CCDC57: variants seen among roughly 807,000 people sequenced by gnomAD.
The protein encoded by CCDC57 is coiled-coil domain-containing protein 57.
Under a neutral mutation model 118.9 loss-of-function variants are expected in CCDC57, and 118 were observed. That is an observed-to-expected ratio of 0.99 (90% CI 0.86 to 1.16). CCDC57 has a LOEUF of 1.16. CCDC57 is among the 50% of genes most tolerant of loss of function. The probability of loss-of-function intolerance (pLI) is 0.00; values close to 1 mark genes in which losing one functional copy is unlikely to be tolerated. For synonymous variants in CCDC57, 527 were observed against 532.9 expected (o/e 0.99, Z 0.15); for missense variants, 1,300 against 1,320.7 (o/e 0.98, Z 0.24).
At chr17:82,138,402 C>G (rs1280095829) in intron 16 of CCDC57, among the ~76,000 whole-genome samples, 1 of 151,988 alleles carries the variant, frequency 6.6e-6, no homozygotes, top group African/African-American at 2.4e-5. Flanking sequence ...CCTGCCTCAG[C>G]CTCCCAAAGT....
intron 19 of CCDC57, among the ~76,000 whole-genome samples, chr17:82,111,615 T>G (rs1450159699): frequency 2.6e-5 from 4 of 151,742 alleles, no homozygotes; most frequent in Admixed American, 2.0e-4. Context: ...TGTTTTTTGT[T>G]TTTGTTTTTT....
intron 3 of CCDC57, among the ~76,000 whole-genome samples, chr17:82,201,247 G>C (rs868188750): frequency 9.8e-5 from 15 of 152,310 alleles, no homozygotes; most frequent in Middle Eastern, 6.8e-3. Context: ...TATAATTAAT[G>C]AAATAAATTC....
At chr17:82,195,084 A>C (rs1432544567) in intron 5 of CCDC57, among the ~76,000 whole-genome samples, 179 bp downstream of exon 4, 1 of 152,208 alleles carries the variant, frequency 6.6e-6, no homozygotes, top group African/African-American at 2.4e-5. Flanking sequence ...GGGAGTGCCC[A>C]CCCTGCCATG....
exon 16 of CCDC57, chr17:82,151,579 T>C: frequency 6.5e-7 from 1 of 1,550,378 alleles, no homozygotes; most frequent in Non-Finnish European, 8.7e-7. Context: ...GGCCCAGCTC[T>C]GCACGGAGCC....
chr17:82,170,498 A>G (rs1231571280), intron 13 of CCDC57, among the ~76,000 whole-genome samples: 1 of 131,054 alleles, frequency 7.6e-6, no homozygotes, highest in Non-Finnish European at 1.6e-5. Context: ...ACAGAGCAAG[A>G]CTCTGTCCCA....
In CCDC57 at chr17:82,171,854, C is replaced by T. The variant is rs970282906; in HGVS notation, c.1730-1G>A. ...TCTGCTTCAAGGGCCAGAACATAATCTGCCAAAAAAACCTCCAGTGAATAT... is the reference window on the plus strand; with the variant it reads ...TCTGCTTCAAGGGCCAGAACATAATTTGCCAAAAAAACCTCCAGTGAATAT... On this transcript the variant is annotated splice_acceptor_variant, in intron 12 of 19. Coordinates refer to ENST00000665763, the Ensembl canonical transcript of CCDC57. LOFTEE classifies it high-confidence loss of function. 15 of 1,610,566 alleles carry T rather than the reference C, an allele frequency of 9.3e-6. No homozygotes were observed. The African/African-American group carries it at 1.6e-4, about 17-fold the overall frequency.
Position 82,127,557 on chromosome 17 carries a change from C to T in CCDC57, c.2899+135G>A, listed in dbSNP as rs114974539. 2,292 of 1,444,752 alleles carry T rather than the reference C, an allele frequency of 1.6e-3. 34 individuals carry two copies. The African/African-American group carries it at 0.03, about 19-fold the overall frequency. 89.5% of individuals were successfully genotyped at this position (1,444,752 alleles called of 1,614,324 possible). A position where few individuals can be genotyped will look rare whatever the true frequency, so the allele number is the denominator to read the frequency against. Reference sequence around the variant, plus strand: ...AAATGAGAGGTAAAGAGACTCCATGCATTACTCAACCAAAGTGCAGGGATT... The same window carrying T: ...AAATGAGAGGTAAAGAGACTCCATGTATTACTCAACCAAAGTGCAGGGATT... On this transcript the variant is annotated intron_variant, in intron 19 of 19. Coordinates refer to ENST00000665763, the Ensembl canonical transcript of CCDC57.
At chr17:82,201,423 C>G (rs567810225) in intron 3 of CCDC57, 115 bp downstream of exon 2, 109 of 1,297,702 alleles carry the variant, frequency 8.4e-5, no homozygotes, top group Non-Finnish European at 1.0e-4. Context: ...CTGGAATCAG[C>G]AGCGGGAGGA....
At chr17:82,142,889 G>A (rs991326272) in intron 16 of CCDC57, among the ~76,000 whole-genome samples, 1 of 152,122 alleles carries the variant, frequency 6.6e-6, no homozygotes, top group Non-Finnish European at 1.5e-5. Flanking sequence ...ACACTGGCCG[G>A]GTACGTGGCT....
chr17:82,203,487 C>T (rs528148875), intron 2 of CCDC57, among the ~76,000 whole-genome samples: 136 of 152,130 alleles, frequency 8.9e-4, no homozygotes, highest in Admixed American at 1.6e-3. Context: ...AAATAAAGTG[C>T]TACAAAAAAT....
intron 19 of CCDC57, among the ~76,000 whole-genome samples, chr17:82,123,122 C>CTTTTTTTT (rs34869339): frequency 5.7e-5 from 6 of 105,778 alleles, no homozygotes; most frequent in Admixed American, 1.1e-4. Flanking sequence ...CTCCTAATAA[C>CTTTTTTTT]TTTTTTTTTT....
chr17:82,199,232 C>A (rs1056445744), intron 3 of CCDC57, among the ~76,000 whole-genome samples: 1 of 151,902 alleles, frequency 6.6e-6, no homozygotes, highest in Admixed American at 6.6e-5. Flanking sequence ...AATTCCAGCG[C>A]TTTGGGAGGC....
At chr17:82,112,705 T>C (rs8082577) in intron 19 of CCDC57, 83,745 of 152,294 alleles carry the variant, frequency 0.55, 23,992 homozygotes, top group African/African-American at 0.64. Context: ...TCCCTCCCTG[T>C]GCCGGCAGCC....
At chr17:82,166,811 C>G (rs2044041386) in intron 13 of CCDC57, among the ~76,000 whole-genome samples, 1 of 151,832 alleles carries the variant, frequency 6.6e-6, no homozygotes, top group Admixed American at 6.6e-5. Context: ...AGTTACTTGG[C>G]AAGCTAAGGT....
chr17:82,132,759 C>CTTTTTTTTTTTTTTTTTTT lies in CCDC57; in HGVS notation c.2577+1313_2577+1314insAAAAAAAAAAAAAAAAAAA, dbSNP rs71166188. 1.6e-5 allele frequency among the ~76,000 whole-genome samples: 2 copies of CTTTTTTTTTTTTTTTTTTT among 123,948 alleles called. 1 individual carries two copies. 81.3% of individuals were successfully genotyped at this position (123,948 alleles called of 152,430 possible). On this transcript the variant is annotated intron_variant, in intron 17 of 19. Coordinates refer to ENST00000665763, the Ensembl canonical transcript of CCDC57. ...TTATCTTTCTGTAGAGACAACCTTGCTTTTTTTTTTTTTTTTTTGAGACGG... is the reference window on the plus strand; with the variant it reads ...TTATCTTTCTGTAGAGACAACCTTGCTTTTTTTTTTTTTTTTTTTTTTTTTTTTTTTTTTTTTGAGACGG...
intron 15 of CCDC57, chr17:82,157,424 C>T (rs1421113112): frequency 7.6e-7 from 1 of 1,311,558 alleles, no homozygotes; most frequent in African/African-American, 1.5e-5. Context: ...TGCATTAAAG[C>T]AAACATGAGC....
At chr17:82,143,017 A>C (rs2040219400) in intron 16 of CCDC57, among the ~76,000 whole-genome samples, 1 of 152,072 alleles carries the variant, frequency 6.6e-6, no homozygotes, top group Non-Finnish European at 1.5e-5. Context: ...ATACAAAACT[A>C]GCCGGGCGTG....
chr17:82,179,646 C>A lies in CCDC57; in HGVS notation c.1212-457G>T, dbSNP rs543247081. Among the ~76,000 whole-genome samples the A allele has an allele frequency of 9.2e-5, 14 of 152,118 alleles. No individual in the cohort carries two copies. The South Asian group carries it at 2.9e-3, about 32-fold the overall frequency. ...CACGGGGCGGGCGGGGATGGGAGAG[C>A]CCCCCGAGCGAGTGCAAAGGGACAG... On this transcript the variant is annotated intron_variant, in intron 9 of 19. Coordinates refer to ENST00000665763, the Ensembl canonical transcript of CCDC57.
chr17:82,210,819 C>T (rs2050126682), intron 1 of CCDC57, among the ~76,000 whole-genome samples: 1 of 151,028 alleles, frequency 6.6e-6, no homozygotes, highest in Non-Finnish European at 1.5e-5. Flanking sequence ...CATGACGAAA[C>T]CTCGTCTCTA....
Sources: allele counts gnomAD v4.1 joint callset (sites outside exome capture counted in the v4.1 genomes callset), GRCh38; gene constraint gnomAD v4.1.1; transcripts MANE v1.5; gene names NCBI Gene and HGNC (gene_info 2026-07-23, HGNC 2026-07-21).